The following IMMT variants were observed in gnomAD, a reference collection of about 807,000 sequenced individuals.
IMMT encodes MICOS complex subunit MIC60.
IMMT carries 40 observed loss-of-function variants against 92.7 expected under a neutral mutation model. That is an observed-to-expected ratio of 0.43 (90% confidence interval 0.34 to 0.56). The LOEUF is 0.56. Ranked by LOEUF, IMMT falls within the 20% of genes least tolerant of loss-of-function variation. The probability of loss-of-function intolerance (pLI) is 0.03; values close to 1 mark genes in which losing one functional copy is unlikely to be tolerated. For missense variants in IMMT, 831 were observed against 912.1 expected (o/e 0.91, Z 1.14); for synonymous variants, 322 against 336.1 (o/e 0.96, Z 0.46).
At chr2:86,194,680 A>T (rs1673404353) in intron 1 of IMMT, among the ~76,000 whole-genome samples, 1 of 152,174 alleles carries the variant, frequency 6.6e-6, no homozygotes, top group African/African-American at 2.4e-5. Flanking sequence ...TTGAATGTCA[A>T]AGTAGTCCCA....
chr2:86,174,026 A>G (rs1375390172), intron 3 of IMMT, among the ~76,000 whole-genome samples: 2 of 152,258 alleles, frequency 1.3e-5, no homozygotes, highest in Non-Finnish European at 2.9e-5. Flanking sequence ...AGTCCATGAC[A>G]TATGATCTTC....
chr2:86,150,406 A>G (rs1344011931), intron 12 of IMMT, among the ~76,000 whole-genome samples: 1 of 152,186 alleles, frequency 6.6e-6, no homozygotes, highest in East Asian at 1.9e-4. Context: ...AAAGGAGGTT[A>G]AGGAGTGGCC....
intron 12 of IMMT, among the ~76,000 whole-genome samples, chr2:86,148,299 C>A (rs1271872285): frequency 6.6e-6 from 1 of 152,168 alleles, no homozygotes; most frequent in Non-Finnish European, 1.5e-5. Context: ...ATAATGCCTA[C>A]TTTGAAGAAT....
intron 6 of IMMT, among the ~76,000 whole-genome samples, chr2:86,169,758 T>TA (rs988955447): frequency 1.5e-4 from 22 of 148,520 alleles, no homozygotes; most frequent in African/African-American, 4.7e-4. Flanking sequence ...ATAATAATGA[T>TA]AAAAAAAACT....
chr2:86,183,223 T>C (rs1296666964), intron 1 of IMMT, among the ~76,000 whole-genome samples: 4 of 152,194 alleles, frequency 2.6e-5, no homozygotes, highest in African/African-American at 7.2e-5. Flanking sequence ...GCAAGCACAA[T>C]GGATAACTGA....
chr2:86,193,700 A>C (rs1304213394), intron 1 of IMMT, among the ~76,000 whole-genome samples: 2 of 152,246 alleles, frequency 1.3e-5, no homozygotes, highest in Non-Finnish European at 2.9e-5. Context: ...AGAGCCTCAT[A>C]AAGCAGCAAT....
chr2:86,149,260 G>C (rs1488488138), intron 12 of IMMT, among the ~76,000 whole-genome samples: 1 of 152,154 alleles, frequency 6.6e-6, no homozygotes, highest in Non-Finnish European at 1.5e-5. Flanking sequence ...AGAGAGGATA[G>C]AACAATGTAC....
chr2:86,182,378 C>T (rs1441514994), intron 1 of IMMT, among the ~76,000 whole-genome samples: 1 of 152,160 alleles, frequency 6.6e-6, no homozygotes, highest in Non-Finnish European at 1.5e-5. Flanking sequence ...AAATCTATCA[C>T]ATGATCATAG....
In IMMT at chr2:86,163,049, C is replaced by T. The variant is rs916520773; in HGVS notation, c.793-970G>A. On this transcript the variant is annotated intron_variant, in intron 7 of 14. Coordinates refer to ENST00000410111, the MANE Select transcript of IMMT (RefSeq NM_006839.3). ...TGCAAGGTACCCAGAACACTCAGGG[C>T]CTAGACAGGGTGCAGTGGCTCATGC... 2.6e-5 allele frequency among the ~76,000 whole-genome samples: 4 copies of T among 152,036 alleles called. No homozygotes were observed. The South Asian group carries it at 6.3e-4, about 24-fold the overall frequency.
intron 3 of IMMT, among the ~76,000 whole-genome samples, chr2:86,176,559 GCAAC>G (rs1677443799): frequency 6.6e-6 from 1 of 152,156 alleles, no homozygotes; most frequent in East Asian, 1.9e-4. Flanking sequence ...CAAAATATGA[GCAAC>G]CTGTGAAGAA....
At chr2:86,181,670 G>A (rs748374869) in intron 1 of IMMT, among the ~76,000 whole-genome samples, 1 of 151,612 alleles carries the variant, frequency 6.6e-6, no homozygotes, top group Non-Finnish European at 1.5e-5. Flanking sequence ...GAATACAATT[G>A]GTATTTGCTA....
intron 2 of IMMT, among the ~76,000 whole-genome samples, chr2:86,180,391 G>A (rs905221850): frequency 1.3e-5 from 2 of 151,480 alleles, no homozygotes; most frequent in African/African-American, 4.8e-5. Context: ...TCAGCCTCCC[G>A]AGTAGCTGGG....
intron 1 of IMMT, among the ~76,000 whole-genome samples, chr2:86,190,257 T>C (rs1417139631): frequency 1.3e-5 from 2 of 152,220 alleles, no homozygotes; most frequent in Non-Finnish European, 1.5e-5. Flanking sequence ...TAACATAATG[T>C]TTCATAATCC....
chr2:86,158,597 C>T lies in IMMT; in HGVS notation c.1157G>A (p.Gly386Glu), dbSNP rs762642097. ...ITPEVLPGWK[G>E]MSVSDLADKL... ...ATTACTTCAGTTGTACTCACTCATTCCTTTCCACCCAGGAAGGACTTCTGG... is the reference window on the plus strand; with the variant it reads ...ATTACTTCAGTTGTACTCACTCATTTCTTTCCACCCAGGAAGGACTTCTGG... Residue 386 changes from glycine (G) to glutamate (E), a missense_variant, in exon 10 of 15, where the codon GGA becomes GAA. Physicochemically the swap from Gly to Glu is moderately conservative, Grantham distance 98 (BLOSUM62 -2). Transcript: ENST00000410111. 6.9e-6 allele frequency: 11 copies of T among 1,602,290 alleles called. No individual in the cohort carries two copies. The highest frequency in any genetic ancestry group is 8.5e-6 in the Non-Finnish European group (10 of 1,173,522).
intron 10 of IMMT, among the ~76,000 whole-genome samples, chr2:86,156,712 A>T (rs1269773512): frequency 1.3e-5 from 2 of 152,106 alleles, no homozygotes. Context: ...TACTGGGAAG[A>T]CCAAAGACAG....
At chr2:86,173,461 T>C in intron 4 of IMMT, 189 bp downstream of exon 4, 1 of 486,296 alleles carries the variant, frequency 2.1e-6, no homozygotes, top group South Asian at 2.1e-5. Context: ...ATGCCTGTAA[T>C]CCCAGCTACT....
intron 11 of IMMT, among the ~76,000 whole-genome samples, chr2:86,152,983 CTG>C (rs1219488268): frequency 1.3e-5 from 2 of 152,058 alleles, no homozygotes; most frequent in Non-Finnish European, 2.9e-5. Flanking sequence ...CAAATAAAAA[CTG>C]TAAAGACTCA....
Position 86,144,544 on chromosome 2 carries a change from G to A in IMMT, c.2001C>T (p.Leu667=), listed in dbSNP as rs1475052071. The stretch of plus-strand genomic sequence containing the variant: ...GCTTCAGTTGCTGAGGTGGGAATAG[G>A]AGCAGGGACTGTAGGTAGGAGAGGA... The part of the protein sequence containing the change: ...QYFLSYLQSL[L]LFPPQQLKPP... The change falls in exon 15 of 15, where the codon CTC becomes CTT. Residue 667 remains leucine, a synonymous_variant. Transcript: ENST00000410111. 1.9e-6 allele frequency: 3 copies of A among 1,614,040 alleles called. No homozygotes were observed. Among genetic ancestry groups the A allele is most frequent in the Non-Finnish European group, 2.5e-6 (3 of 1,179,890 alleles).
Position 86,167,304 on chromosome 2 carries a change from T to C in IMMT, c.656-660A>G, listed in dbSNP as rs531551641. ...CTCCTACCTCAGCCTCCCGAGTAGCTGGGACTACAGGTGCATACCACCACG... is the reference window on the plus strand; with the variant it reads ...CTCCTACCTCAGCCTCCCGAGTAGCCGGGACTACAGGTGCATACCACCACG... On this transcript the variant is annotated intron_variant, in intron 6 of 14. Transcript: ENST00000410111. 3.4e-5 allele frequency among the ~76,000 whole-genome samples: 5 copies of C among 146,970 alleles called. No individual in the cohort carries two copies. In the South Asian group the frequency reaches 1.1e-3, roughly 32 times the overall value.
Sources: gnomAD v4.1 joint callset for allele counts (sites outside exome capture counted in the v4.1 genomes callset) on GRCh38, gnomAD v4.1.1 for gene constraint, MANE v1.5 for transcripts, NCBI Gene and HGNC (gene_info 2026-07-23, HGNC 2026-07-21) for gene names.